ANP32B: variants seen among roughly 807,000 people sequenced by gnomAD.
ANP32B encodes the protein acidic nuclear phosphoprotein 32 family member B.
ANP32B carries 6 observed loss-of-function variants against 32.2 expected under a neutral mutation model. The ratio of observed to expected loss-of-function variants is 0.19; its 90% CI spans 0.10 to 0.37. The LOEUF (loss-of-function observed/expected upper bound fraction) is 0.37. Ranked by LOEUF, ANP32B falls within the 10% of genes least tolerant of loss-of-function variation. The pLI, the probability that ANP32B is intolerant of heterozygous loss-of-function variation, is 1.00. For missense variants in ANP32B, 204 were observed against 289.2 expected, an observed-to-expected ratio of 0.71 and a Z score of 2.14; for synonymous variants, 98 against 105.8, an observed-to-expected ratio of 0.93 and a Z score of 0.45.
chr9:97,997,707 G>A (rs1380639846), intron 2 of ANP32B, among the ~76,000 whole-genome samples: 1 of 152,238 alleles, frequency 6.6e-6, no homozygotes, highest in African/African-American at 2.4e-5. Flanking sequence ...TACTATTGTT[G>A]TTGGCACTTT....
chr9:97,990,809 T>C (rs912534291), intron 1 of ANP32B, among the ~76,000 whole-genome samples: 7 of 148,308 alleles, frequency 4.7e-5, no homozygotes, highest in African/African-American at 1.7e-4. Flanking sequence ...TGCTTACAGT[T>C]GAACCTTTTT....
intron 2 of ANP32B, 151 bp downstream of exon 2, chr9:97,994,931 T>A: frequency 1.3e-6 from 1 of 747,170 alleles, no homozygotes; most frequent in Non-Finnish European, 2.0e-6. Flanking sequence ...TAGCATTTCC[T>A]TGATGGGCAA....
chr9:98,012,364 A>T (rs987142), intron 5 of ANP32B, 57 bp from the exon 6 acceptor site: 819,724 of 1,581,000 alleles, frequency 0.52, 218,930 homozygotes, highest in African/African-American at 0.82. Flanking sequence ...TTTGTACTAT[A>T]TGCACTTTTC....
At position 98,011,297 on chromosome 9, in the gene ANP32B, G is replaced by A. The variant is rs1363146642; in HGVS notation, c.544G>A (p.Asp182Asn). 17 of 1,549,256 alleles carry A rather than the reference G, an allele frequency of 1.1e-5. No homozygotes were observed. In the South Asian group the frequency reaches 1.9e-4, roughly 17 times the overall value. ...AGGAGAAGATGAGGAAGACGAGGACGATGAGGATGGTGAAGAAGAGGAGTT... is the reference window on the plus strand; with the variant it reads ...AGGAGAAGATGAGGAAGACGAGGACAATGAGGATGGTGAAGAAGAGGAGTT... ...EEGEDEEDED[D>N]EDGEEEEFDE... The change falls in exon 5 of 7, where the codon GAT becomes AAT. Residue 182 changes from aspartate (D) to asparagine (N), a missense_variant. Asp to Asn is a conservative substitution (Grantham distance 23). Coordinates refer to ENST00000339399, the MANE Select transcript of ANP32B (RefSeq NM_006401.3).
At chr9:98,000,920 TC>T (rs1827979758) in intron 3 of ANP32B, among the ~76,000 whole-genome samples, 2 of 121,902 alleles carry the variant, frequency 1.6e-5, no homozygotes, top group African/African-American at 6.4e-5. Context: ...AGACTCCATC[TC>T]AAAAAAAAAA....
intron 4 of ANP32B, among the ~76,000 whole-genome samples, chr9:98,005,588 G>A (rs1050729901): frequency 1.2e-4 from 19 of 152,172 alleles, no homozygotes; most frequent in Middle Eastern, 3.4e-3. Flanking sequence ...GTGCGCACGC[G>A]TGTATTTTTT....
chr9:98,008,822 A>T (rs1828132489), intron 4 of ANP32B, among the ~76,000 whole-genome samples: 1 of 152,208 alleles, frequency 6.6e-6, no homozygotes, highest in Non-Finnish European at 1.5e-5. Flanking sequence ...TATATATTAC[A>T]ATGTAATAAT....
At chr9:98,002,658 G>C (rs1474638685) in intron 3 of ANP32B, among the ~76,000 whole-genome samples, 1 of 152,070 alleles carries the variant, frequency 6.6e-6, no homozygotes, top group South Asian at 2.1e-4. Context: ...CTACTGATTG[G>C]CATGTCCAAA....
At chr9:97,984,310 C>G (rs996268460) in intron 1 of ANP32B, among the ~76,000 whole-genome samples, 1 of 151,224 alleles carries the variant, frequency 6.6e-6, no homozygotes, top group African/African-American at 2.4e-5. Context: ...GAAAAAAGGA[C>G]GTGGTTCCCG....
Position 97,983,467 on chromosome 9 carries a change from G to T in ANP32B, c.-89G>T. 1 of 1,254,084 alleles carries T rather than the reference G, an allele frequency of 8.0e-7. No homozygotes were observed. Among genetic ancestry groups the T allele is most frequent in the South Asian group, 1.3e-5 (1 of 75,530 alleles). 77.7% of individuals were successfully genotyped at this position (1,254,084 alleles called of 1,614,324 possible). ...GCCTCCGCCGCTAGCAAACCCTTCCGACGGCCCTCGCTGCGCAAGCCGGGA... is the reference window on the plus strand; with the variant it reads ...GCCTCCGCCGCTAGCAAACCCTTCCTACGGCCCTCGCTGCGCAAGCCGGGA... On this transcript the variant is annotated 5_prime_UTR_variant, in exon 1 of 7. Transcript: ENST00000339399.
chr9:97,995,840 T>C (rs1401246918), intron 2 of ANP32B, among the ~76,000 whole-genome samples: 1 of 151,512 alleles, frequency 6.6e-6, no homozygotes, highest in African/African-American at 2.4e-5. Context: ...CAAGAATTGC[T>C]TGAACCCAGG....
chr9:97,984,551 C>A (rs1827669011), intron 1 of ANP32B: 1 of 145,080 alleles, frequency 6.9e-6, no homozygotes, highest in South Asian at 2.4e-4. Context: ...TTCACGCCAG[C>A]CGGGGCGCGC....
intron 3 of ANP32B, among the ~76,000 whole-genome samples, chr9:97,999,978 C>T (rs1827962828): frequency 6.6e-6 from 1 of 152,190 alleles, no homozygotes; most frequent in Admixed American, 6.5e-5. Flanking sequence ...TTTCACATCA[C>T]TTGTATAGAA....
At chr9:97,998,828 G>T (rs2131585939) in intron 3 of ANP32B, 150 bp downstream of exon 3, 1 of 145,344 alleles carries the variant, frequency 6.9e-6, no homozygotes, top group Non-Finnish European at 1.0e-5. Context: ...TTTTTTTTGA[G>T]ACGGAGTCTC....
chr9:97,992,684 GAC>G (rs1290137788), intron 1 of ANP32B, among the ~76,000 whole-genome samples: 95 of 152,326 alleles, frequency 6.2e-4, no homozygotes, highest in African/African-American at 2.2e-3. Context: ...GGTGGGTGAT[GAC>G]AGTCGACCTT....
Position 97,993,889 on chromosome 9 carries a change from T to C in ANP32B, c.55-742T>C, listed in dbSNP as rs567392015. Reference sequence around the variant, plus strand: ...CTCAGGTGATCTGCCCACTTCAGCCTCCCAAAGTGCTGGGATTACAGGCGT... The same window carrying C: ...CTCAGGTGATCTGCCCACTTCAGCCCCCCAAAGTGCTGGGATTACAGGCGT... On this transcript the variant is annotated intron_variant, in intron 1 of 6. Transcript: ENST00000339399. 3.9e-5 allele frequency among the ~76,000 whole-genome samples: 6 copies of C among 152,286 alleles called. No homozygotes were observed. In the East Asian group the frequency reaches 7.7e-4, roughly 20 times the overall value.
intron 6 of ANP32B, among the ~76,000 whole-genome samples, 160 bp from the exon 7 acceptor site, chr9:98,015,204 C>T (rs918763640): frequency 2.0e-5 from 3 of 152,208 alleles, no homozygotes; most frequent in African/African-American, 7.2e-5. Context: ...GTTCTGTGGT[C>T]ACCACTTATA....
intron 5 of ANP32B, among the ~76,000 whole-genome samples, 177 bp from the exon 6 acceptor site, chr9:98,012,244 G>A (rs879897711): frequency 1.3e-4 from 20 of 152,256 alleles, no homozygotes; most frequent in East Asian, 7.7e-4. Context: ...TATAAAGCTC[G>A]TTAAGGAAAA....
intron 1 of ANP32B, among the ~76,000 whole-genome samples, chr9:97,983,835 G>A (rs1323715870): frequency 6.6e-6 from 1 of 152,030 alleles, no homozygotes; most frequent in Non-Finnish European, 1.5e-5. Context: ...GCAGCGGTGT[G>A]GGGGAAAGCA....
Sources: gnomAD v4.1 joint callset for allele counts (sites outside exome capture counted in the v4.1 genomes callset) on GRCh38, gnomAD v4.1.1 for gene constraint, MANE v1.5 for transcripts, NCBI Gene and HGNC (gene_info 2026-07-23, HGNC 2026-07-21) for gene names.